Variants in LRRC63 observed in about 807,000 individuals in gnomAD.
The protein encoded by LRRC63 is leucine rich repeat containing 63.
LRRC63 carries 40 observed loss-of-function variants against 49.5 expected under a neutral mutation model. The ratio of observed to expected loss-of-function variants is 0.81; its 90% CI spans 0.63 to 1.05. The LOEUF is 1.05. LRRC63 is among the 50% of genes least tolerant of loss of function. The probability of loss-of-function intolerance (pLI) is 0.00; values close to 1 mark genes in which losing one functional copy is unlikely to be tolerated. For synonymous variants in LRRC63, 191 were observed against 221.1 expected (o/e 0.86, Z 1.21); for missense variants, 636 against 663.1 (o/e 0.96, Z 0.45).
At chr13:46,250,772 G>T (rs1267831259) in intron 7 of LRRC63, among the ~76,000 whole-genome samples, 1 of 151,894 alleles carries the variant, frequency 6.6e-6, no homozygotes, top group Non-Finnish European at 1.5e-5. Flanking sequence ...TGAGAGCCTT[G>T]CACCTATCTC....
chr13:46,231,364 C>T (rs2046749869), intron 4 of LRRC63, among the ~76,000 whole-genome samples: 1 of 152,192 alleles, frequency 6.6e-6, no homozygotes, highest in Admixed American at 6.5e-5. Flanking sequence ...GAAGGCTATA[C>T]AAGCGTAGTT....
intron 7 of LRRC63, among the ~76,000 whole-genome samples, chr13:46,255,216 A>T (rs1253209209): frequency 6.6e-6 from 1 of 152,140 alleles, no homozygotes; most frequent in Non-Finnish European, 1.5e-5. Flanking sequence ...TAGAATAGAC[A>T]AATTTACAGA....
chr13:46,260,695 A>G (rs1314280887), intron 7 of LRRC63, among the ~76,000 whole-genome samples: 8 of 152,148 alleles, frequency 5.3e-5, no homozygotes, highest in Admixed American at 5.2e-4. Context: ...TGAAAAGACA[A>G]TGATCAGAGT....
chr13:46,240,126 C>CT (rs35181820), intron 5 of LRRC63, among the ~76,000 whole-genome samples: 1,333 of 120,856 alleles, frequency 0.011, 13 homozygotes, highest in South Asian at 0.018. Flanking sequence ...CTCTCTTTTT[C>CT]TTTTTTTTTT....
chr13:46,266,331 A>G (rs1199352721), intron 8 of LRRC63, among the ~76,000 whole-genome samples: 2 of 152,262 alleles, frequency 1.3e-5, no homozygotes, highest in African/African-American at 4.8e-5. Context: ...TTTTGATAGC[A>G]TAAATTTCAC....
At chr13:46,215,600 G>C (rs1408819068) in intron 2 of LRRC63, among the ~76,000 whole-genome samples, 1 of 152,024 alleles carries the variant, frequency 6.6e-6, no homozygotes, top group East Asian at 1.9e-4. Context: ...CTTTTGCTGT[G>C]CAAAAGCTCT....
At chr13:46,267,956 GAA>G (rs992664166) in intron 9 of LRRC63, among the ~76,000 whole-genome samples, 1 of 151,874 alleles carries the variant, frequency 6.6e-6, no homozygotes, top group African/African-American at 2.4e-5. Flanking sequence ...TCTCCCAGCA[GAA>G]AAAAAGTGTT....
At chr13:46,263,336 C>T (rs2047640459) in intron 8 of LRRC63, among the ~76,000 whole-genome samples, 2 of 151,940 alleles carry the variant, frequency 1.3e-5, no homozygotes, top group Middle Eastern at 3.4e-3. Flanking sequence ...CAGCATGCCT[C>T]GCTAATTTTT....
intron 2 of LRRC63, among the ~76,000 whole-genome samples, chr13:46,223,475 GTTTT>G (rs147982198): frequency 7.8e-6 from 1 of 127,888 alleles, no homozygotes; most frequent in Non-Finnish European, 1.6e-5. Context: ...TTGGCTGACA[GTTTT>G]TTTTGTTTTT....
intron 1 of LRRC63, among the ~76,000 whole-genome samples, chr13:46,212,688 T>C (rs1263267816): frequency 3.3e-5 from 5 of 152,254 alleles, no homozygotes; most frequent in Non-Finnish European, 2.9e-5. Flanking sequence ...CAGTATTTAC[T>C]AGTTGAAATA....
At chr13:46,212,966 A>G (rs1286214092) in intron 1 of LRRC63, 36 bp from the exon 2 acceptor site, 4 of 1,038,414 alleles carry the variant, frequency 3.9e-6, no homozygotes, top group East Asian at 2.6e-5. Flanking sequence ...CAATTCAAAC[A>G]TATTCAAAAC....
chr13:46,220,000 C>T (rs573942599), intron 2 of LRRC63, among the ~76,000 whole-genome samples: 2 of 152,278 alleles, frequency 1.3e-5, no homozygotes, highest in East Asian at 3.9e-4. Context: ...GGGCACCCAC[C>T]AGATGCCAGC....
intron 7 of LRRC63, among the ~76,000 whole-genome samples, chr13:46,257,979 G>A (rs117896345): frequency 1.3e-5 from 2 of 152,082 alleles, no homozygotes; most frequent in East Asian, 1.9e-4. Flanking sequence ...GTGTAATGGA[G>A]TACTTTCACT....
In LRRC63 at chr13:46,276,198, T is replaced by A. The variant is rs189849764; in HGVS notation, c.1551-392T>A. Among the ~76,000 whole-genome samples the A allele has an allele frequency of 5.1e-3, 767 of 151,418 alleles. 10 individuals are homozygous for A. Among genetic ancestry groups the A allele is most frequent in the African/African-American group, 0.017 (712 of 40,818 alleles). ...GGTTATGATAGTACCTTTATTTTTTTAAATGATATATTTATTTTGTATCAT... is the reference window on the plus strand; with the variant it reads ...GGTTATGATAGTACCTTTATTTTTTAAAATGATATATTTATTTTGTATCAT... On this transcript the variant is annotated intron_variant, in intron 9 of 9. Transcript: ENST00000595396.
At chr13:46,232,213 T>C (rs1380652507) in intron 4 of LRRC63, among the ~76,000 whole-genome samples, 3 of 152,166 alleles carry the variant, frequency 2.0e-5, no homozygotes, top group Non-Finnish European at 2.9e-5. Flanking sequence ...CACCTCCCTC[T>C]GGGACCCACA....
chr13:46,242,256 C>T lies in LRRC63; in HGVS notation c.991-4271C>T, dbSNP rs373908689. Among the ~76,000 whole-genome samples, 12 of 151,892 alleles carry T rather than the reference C, an allele frequency of 7.9e-5. No individual in the cohort carries two copies. The East Asian group carries it at 9.7e-4, about 12-fold the overall frequency. On this transcript the variant is annotated intron_variant, in intron 5 of 9. Transcript: ENST00000595396. ...GTATGTTCTCATTTATAAGTGGGAG[C>T]TAAATGATGAGAACACACGGACACA...
chr13:46,230,634 C>G (rs2046723614), intron 4 of LRRC63, among the ~76,000 whole-genome samples: 1 of 152,136 alleles, frequency 6.6e-6, no homozygotes, highest in South Asian at 2.1e-4. Context: ...GTCTTTGAGG[C>G]CTTGTTCCTC....
At chr13:46,259,480 T>G (rs1235199581) in intron 7 of LRRC63, among the ~76,000 whole-genome samples, 1 of 152,212 alleles carries the variant, frequency 6.6e-6, no homozygotes, top group African/African-American at 2.4e-5. Context: ...GTCAAATCTT[T>G]GCCTTACTTG....
chr13:46,266,820 T>C, exon 9 of LRRC63: 1 of 1,550,216 alleles, frequency 6.5e-7, no homozygotes, highest in Non-Finnish European at 8.7e-7. Context: ...AAATTCAGTT[T>C]GAGAATAATT....
Sources: allele counts gnomAD v4.1 joint callset (sites outside exome capture counted in the v4.1 genomes callset), GRCh38; gene constraint gnomAD v4.1.1; transcripts MANE v1.5; gene names NCBI Gene and HGNC (gene_info 2026-07-23, HGNC 2026-07-21).